Variants in GLP2R observed in about 807,000 individuals in gnomAD.
GLP2R encodes glucagon-like peptide 2 receptor.
GLP2R carries 59 observed loss-of-function variants against 68.2 expected under a neutral mutation model. That is an observed-to-expected ratio of 0.87 (90% CI 0.70 to 1.07). The LOEUF is 1.07. Ranked by LOEUF, GLP2R falls within the 50% of genes least tolerant of loss-of-function variation. The pLI, the probability that GLP2R is intolerant of heterozygous loss-of-function variation, is 0.00. For missense variants in GLP2R, 548 were observed against 677.4 expected, an observed-to-expected ratio of 0.81 and a Z score of 2.12; for synonymous variants, 270 against 265.4, an observed-to-expected ratio of 1.02 and a Z score of -0.17.
intron 9 of GLP2R, 32 bp from the exon 10 acceptor site, chr17:9,870,715 C>A: frequency 9.9e-7 from 1 of 1,011,134 alleles, no homozygotes; most frequent in Non-Finnish European, 1.6e-6. Context: ...GAATTCGTCA[C>A]TTACTTACCC....
intron 10 of GLP2R, among the ~76,000 whole-genome samples, chr17:9,874,279 G>T (rs56346556): frequency 0.21 from 31,354 of 151,914 alleles, 4,224 homozygotes; most frequent in Non-Finnish European, 0.3. Flanking sequence ...TTTGTGGGGA[G>T]AAAGAGCAAC....
At chr17:9,867,963 T>C (rs1251418656) in intron 9 of GLP2R, among the ~76,000 whole-genome samples, 3 of 152,184 alleles carry the variant, frequency 2.0e-5, no homozygotes, top group African/African-American at 7.2e-5. Flanking sequence ...TCCTCACTCC[T>C]GTGCTCTCCT....
At position 9,847,680 on chromosome 17, in the gene GLP2R, T is replaced by C. The variant is rs144291193; in HGVS notation, c.504+5064T>C. Among the ~76,000 whole-genome samples the C allele has an allele frequency of 4.6e-5, 7 of 152,310 alleles. No homozygotes were observed. In the East Asian group the frequency reaches 1.3e-3, roughly 29 times the overall value. On this transcript the variant is annotated intron_variant, in intron 4 of 12. Coordinates refer to ENST00000262441, the MANE Select transcript of GLP2R (RefSeq NM_004246.3). Reference sequence around the variant, plus strand: ...CACTGGGTCTACCAGGGTGACTTTTTTCACTCTTGCCAACAAGTTGAGCCC... The same window carrying C: ...CACTGGGTCTACCAGGGTGACTTTTCTCACTCTTGCCAACAAGTTGAGCCC...
At chr17:9,889,251 C>A (rs942539913) in intron 12 of GLP2R, 119 bp from the exon 13 acceptor site, 10 of 641,678 alleles carry the variant, frequency 1.6e-5, no homozygotes, top group Non-Finnish European at 2.4e-5. Flanking sequence ...TTGTCTCCCC[C>A]AGTTAAAAGG....
chr17:9,861,697 T>C (rs1484843639), intron 8 of GLP2R, among the ~76,000 whole-genome samples: 1 of 109,806 alleles, frequency 9.1e-6, no homozygotes, highest in East Asian at 1.9e-4. Context: ...TGTGATCCCA[T>C]TTTTTTCCTC....
chr17:9,866,322 C>T (rs1221728046), intron 9 of GLP2R: 1 of 174,000 alleles, frequency 5.7e-6, no homozygotes, highest in Non-Finnish European at 1.2e-5. Context: ...TTGGCTGTGT[C>T]TGGAGACATT....
intron 10 of GLP2R, among the ~76,000 whole-genome samples, chr17:9,872,525 C>T (rs1250451111): frequency 1.3e-5 from 2 of 152,140 alleles, no homozygotes; most frequent in Non-Finnish European, 2.9e-5. Context: ...TGCAGTAAGC[C>T]GAGATCGTGC....
intron 4 of GLP2R, among the ~76,000 whole-genome samples, chr17:9,854,124 A>G (rs1003050751): frequency 3.3e-5 from 5 of 152,202 alleles, no homozygotes; most frequent in African/African-American, 1.2e-4. Flanking sequence ...AGAAGGAAGG[A>G]CCCATAGACC....
At chr17:9,845,383 AAGG>A (rs1433657055) in intron 4 of GLP2R, among the ~76,000 whole-genome samples, 1 of 152,232 alleles carries the variant, frequency 6.6e-6, no homozygotes, top group Non-Finnish European at 1.5e-5. Flanking sequence ...AGGGGAAGGC[AAGG>A]AGTTCAGTTT....
chr17:9,874,099 A>G lies in GLP2R; in HGVS notation c.1145+3264A>G, dbSNP rs145471091. On this transcript the variant is annotated intron_variant, in intron 10 of 12. Transcript: ENST00000262441. Reference sequence around the variant, plus strand: ...TTTAAGAGGACAGATAAAAATTAATATATATACAATGCCTATTATCCTCTA... The same window carrying G: ...TTTAAGAGGACAGATAAAAATTAATGTATATACAATGCCTATTATCCTCTA... 2.6e-3 allele frequency among the ~76,000 whole-genome samples: 395 copies of G among 152,328 alleles called. 4 individuals are homozygous for G. Among genetic ancestry groups the G allele is most frequent in the African/African-American group, 9.2e-3 (382 of 41,580 alleles).
chr17:9,870,118 CTGTT>C (rs1299979049), intron 9 of GLP2R, among the ~76,000 whole-genome samples: 2 of 152,134 alleles, frequency 1.3e-5, no homozygotes, highest in African/African-American at 2.4e-5. Flanking sequence ...GAATAGCGTT[CTGTT>C]TAAGTGAAGG....
chr17:9,841,683 A>G (rs551534281), intron 3 of GLP2R, among the ~76,000 whole-genome samples: 11 of 152,276 alleles, frequency 7.2e-5, no homozygotes, highest in East Asian at 1.9e-4. Context: ...TGAGATGTCA[A>G]TTAGACACCC....
intron 3 of GLP2R, among the ~76,000 whole-genome samples, chr17:9,838,885 C>T (rs1467137008): frequency 3.3e-5 from 5 of 152,144 alleles, no homozygotes; most frequent in African/African-American, 4.8e-5. Context: ...GAGCGCCTGG[C>T]GCCTGTAGTC....
intron 10 of GLP2R, among the ~76,000 whole-genome samples, chr17:9,876,326 G>T (rs766737287): frequency 1.1e-4 from 16 of 152,196 alleles, no homozygotes; most frequent in Non-Finnish European, 1.2e-4. Context: ...AGGAGAAAAA[G>T]CATCCAAGTT....
intron 1 of GLP2R, among the ~76,000 whole-genome samples, chr17:9,831,773 G>A (rs1046696733): frequency 2.6e-5 from 4 of 152,184 alleles, no homozygotes; most frequent in South Asian, 2.1e-4. Context: ...AGTGTGGAGG[G>A]TGGATGGTGG....
intron 12 of GLP2R, among the ~76,000 whole-genome samples, chr17:9,888,194 C>G (rs2152051293): frequency 6.6e-6 from 1 of 152,280 alleles, no homozygotes; most frequent in East Asian, 1.9e-4. Flanking sequence ...AGTTCAGAAG[C>G]CAGCACTGGC....
chr17:9,887,950 C>A lies in GLP2R; in HGVS notation c.1303C>A (p.Gln435Lys), dbSNP rs541787433. The A allele has an allele frequency of 5.0e-6, 8 of 1,612,354 alleles. No homozygotes were observed. In the South Asian group the frequency reaches 8.8e-5, roughly 18 times the overall value. ...SSFHGFLVALQYGFANGEVKA... is the reference protein window; with the variant it reads ...SSFHGFLVALKYGFANGEVKA... ...GTTTCAGGGGTTCCTGGTGGCCTTGCAGTATGGTTTTGCCAATGGAGAGGT... is the reference window on the plus strand; with the variant it reads ...GTTTCAGGGGTTCCTGGTGGCCTTGAAGTATGGTTTTGCCAATGGAGAGGT... Residue 435 changes from glutamine to lysine, a missense_variant, in exon 12 of 13, where the codon CAG (glutamine) becomes AAG (lysine). Transcript: ENST00000262441.
At chr17:9,879,718 T>A (rs776963483) in intron 10 of GLP2R, among the ~76,000 whole-genome samples, 13 of 152,204 alleles carry the variant, frequency 8.5e-5, no homozygotes, top group Non-Finnish European at 1.6e-4. Context: ...GTAGTCTATA[T>A]ACAACAGTGA....
At chr17:9,889,319 C>T in intron 12 of GLP2R, 51 bp from the exon 13 acceptor site, 1 of 1,271,340 alleles carries the variant, frequency 7.9e-7, no homozygotes, top group Non-Finnish European at 1.1e-6. Context: ...TAAATGGACA[C>T]ATGGCTAAAT....
Sources: gnomAD v4.1 joint callset for allele counts (sites outside exome capture counted in the v4.1 genomes callset) on GRCh38, gnomAD v4.1.1 for gene constraint, MANE v1.5 for transcripts, NCBI Gene and HGNC (gene_info 2026-07-23, HGNC 2026-07-21) for gene names.